GRIP1: variants seen among roughly 807,000 people sequenced by gnomAD.
GRIP1 encodes glutamate receptor-interacting protein 1.
GRIP1 carries 45 observed loss-of-function variants against 129.9 expected under a neutral mutation model. That is an observed-to-expected ratio of 0.35 (90% CI 0.27 to 0.44). GRIP1 has a LOEUF of 0.44. Among genes scored for constraint, GRIP1 ranks in the 20% least tolerant of loss-of-function variants. GRIP1 has a pLI of 1.00. For synonymous variants in GRIP1, 530 were observed against 520.8 expected (o/e 1.02, Z -0.24); for missense variants, 1,196 against 1,396.8 (o/e 0.86, Z 2.29).
intron 1 of GRIP1, among the ~76,000 whole-genome samples, chr12:66,911,228 G>C (rs1476882744): frequency 6.6e-6 from 1 of 152,184 alleles, no homozygotes; most frequent in Non-Finnish European, 1.5e-5. Context: ...TGGCTTTGAA[G>C]CTCTACTTAA....
intron 23 of GRIP1, among the ~76,000 whole-genome samples, chr12:66,357,436 G>T (rs2054547891): frequency 1.3e-5 from 2 of 152,166 alleles, no homozygotes. Flanking sequence ...CTGGGGGCAG[G>T]AACAGTTCAT....
At chr12:67,046,272 G>A (rs962753362) in intron 1 of GRIP1, among the ~76,000 whole-genome samples, 1 of 152,100 alleles carries the variant, frequency 6.6e-6, no homozygotes, top group African/African-American at 2.4e-5. Context: ...GAGGCAGGAG[G>A]AGCCCTCCCC....
chr12:66,476,293 A>G (rs941533194), intron 7 of GRIP1, among the ~76,000 whole-genome samples: 1 of 152,196 alleles, frequency 6.6e-6, no homozygotes, highest in Non-Finnish European at 1.5e-5. Context: ...CTGGACACAT[A>G]CACCCTCCCA....
At chr12:66,511,284 G>A (rs1012832598) in intron 7 of GRIP1, among the ~76,000 whole-genome samples, 6 of 151,988 alleles carry the variant, frequency 3.9e-5, no homozygotes, top group Non-Finnish European at 7.4e-5. Context: ...CTGTGAGTCC[G>A]TTAAACCTCT....
intron 1 of GRIP1, among the ~76,000 whole-genome samples, chr12:66,653,181 T>C (rs545406730): frequency 2.5e-3 from 381 of 152,330 alleles, no homozygotes; most frequent in Middle Eastern, 0.01. Context: ...CATACAATTT[T>C]CACTGAATTT....
intron 24 of GRIP1, among the ~76,000 whole-genome samples, chr12:66,351,905 A>C (rs542164252): frequency 1.3e-5 from 2 of 152,294 alleles, no homozygotes; most frequent in Admixed American, 1.3e-4. Flanking sequence ...ATTGGGATAC[A>C]TTCTCTAGGT....
chr12:66,372,988 C>T (rs1437910081), intron 22 of GRIP1, among the ~76,000 whole-genome samples: 2 of 152,160 alleles, frequency 1.3e-5, no homozygotes, highest in East Asian at 1.9e-4. Context: ...TAAAAGTAAC[C>T]GCAGCTTAAC....
chr12:66,485,374 TTGTC>T (rs1263044420), intron 7 of GRIP1, among the ~76,000 whole-genome samples: 31 of 151,882 alleles, frequency 2.0e-4, no homozygotes, highest in African/African-American at 7.0e-4. Context: ...TTTTTATTAG[TTGTC>T]TGGCTTATTG....
At chr12:67,020,433 G>A (rs1221887246) in intron 1 of GRIP1, among the ~76,000 whole-genome samples, 1 of 152,178 alleles carries the variant, frequency 6.6e-6, no homozygotes, top group East Asian at 1.9e-4. Flanking sequence ...TCAGAGACAA[G>A]GTCTTGCTCT....
intron 1 of GRIP1, among the ~76,000 whole-genome samples, chr12:66,825,877 A>T (rs1213362072): frequency 1.3e-5 from 2 of 152,242 alleles, no homozygotes; most frequent in East Asian, 1.9e-4. Context: ...AAATTAGTTC[A>T]ACCGTTGTGG....
At chr12:66,788,070 C>A (rs907261130) in intron 1 of GRIP1, among the ~76,000 whole-genome samples, 11 of 151,952 alleles carry the variant, frequency 7.2e-5, no homozygotes, top group South Asian at 2.1e-4. Context: ...CACACCCCTG[C>A]CATAGGGGTG....
chr12:66,564,901 G>T lies in GRIP1; in HGVS notation c.137-22951C>A, dbSNP rs1000764993. Among the ~76,000 whole-genome samples the T allele has an allele frequency of 5.9e-5, 9 of 152,324 alleles. No individual in the cohort carries two copies. In the East Asian group the frequency reaches 1.7e-3, roughly 29 times the overall value. On this transcript the variant is annotated intron_variant, in intron 2 of 24. Coordinates refer to ENST00000359742, the MANE Select transcript of GRIP1 (RefSeq NM_001366722.1). ...AGTGATGATGAGCATTTTTTCATGTGCCTGTTGGCTACAGAAATGTCTTCT... is the reference window on the plus strand; with the variant it reads ...AGTGATGATGAGCATTTTTTCATGTTCCTGTTGGCTACAGAAATGTCTTCT...
chr12:66,533,001 G>A lies in GRIP1; in HGVS notation c.419-3087C>T, dbSNP rs188490484. ...AATGAAGTAAACCTGTAGCTCCAAG[G>A]TTTGCATGAAAACAGAATCTAAAGA... On this transcript the variant is annotated intron_variant, in intron 4 of 24. Transcript: ENST00000359742. Among the ~76,000 whole-genome samples the A allele has an allele frequency of 2.0e-5, 3 of 152,230 alleles. No homozygotes were observed. The East Asian group carries it at 5.8e-4, about 29-fold the overall frequency.
chr12:67,004,782 A>G (rs2042603096), intron 1 of GRIP1, among the ~76,000 whole-genome samples: 1 of 152,228 alleles, frequency 6.6e-6, no homozygotes, highest in Admixed American at 6.5e-5. Flanking sequence ...AAAGTATTAT[A>G]GAGTTGGGAA....
At chr12:66,827,417 C>A (rs538247799) in intron 1 of GRIP1, among the ~76,000 whole-genome samples, 12 of 120,288 alleles carry the variant, frequency 1.0e-4, no homozygotes, top group East Asian at 2.6e-4. Flanking sequence ...AGAGAGAGAG[C>A]GCACAAGACA....
chr12:66,568,858 A>G, intron 2 of GRIP1: 1 of 454,430 alleles, frequency 2.2e-6, no homozygotes, highest in South Asian at 1.7e-5. Context: ...ACTGGTCAGG[A>G]AGATGAACTC....
At chr12:67,007,555 G>A (rs911952848) in intron 1 of GRIP1, among the ~76,000 whole-genome samples, 50 of 152,046 alleles carry the variant, frequency 3.3e-4, no homozygotes, top group Admixed American at 1.7e-3. Context: ...ATATGATGTC[G>A]GTGTTGAGAC....
intron 2 of GRIP1, among the ~76,000 whole-genome samples, chr12:66,579,936 A>G (rs1383181576): frequency 6.8e-6 from 1 of 147,602 alleles, no homozygotes; most frequent in Non-Finnish European, 1.5e-5. Flanking sequence ...GAGAAGAGCA[A>G]CTCCAAGACA....
intron 1 of GRIP1, among the ~76,000 whole-genome samples, chr12:66,677,144 A>G (rs2034373828): frequency 6.6e-6 from 1 of 152,232 alleles, no homozygotes; most frequent in Non-Finnish European, 1.5e-5. Flanking sequence ...AGCAACTCCA[A>G]AGCAGTTATC....
Sources: allele counts gnomAD v4.1 joint callset (sites outside exome capture counted in the v4.1 genomes callset), GRCh38; gene constraint gnomAD v4.1.1; transcripts MANE v1.5; gene names NCBI Gene and HGNC (gene_info 2026-07-23, HGNC 2026-07-21).